The following WDR1 variants were observed in gnomAD, a reference collection of about 807,000 sequenced individuals.
The protein encoded by WDR1 is WD repeat domain 1.
Under a neutral mutation model 71.9 loss-of-function variants are expected in WDR1, and 21 were observed. That is an observed-to-expected ratio of 0.29 (90% CI 0.21 to 0.42). WDR1 has a LOEUF of 0.42. Ranked by LOEUF, WDR1 falls within the 10% of genes least tolerant of loss-of-function variation. The pLI, the probability that WDR1 is intolerant of heterozygous loss-of-function variation, is 1.00. For missense variants in WDR1, 696 were observed against 824.5 expected (o/e 0.84, Z 1.91); for synonymous variants, 424 against 347.4 (o/e 1.22, Z -2.45).
At chr4:10,109,325 C>A (rs943945760) in intron 2 of WDR1, among the ~76,000 whole-genome samples, 1 of 152,262 alleles carries the variant, frequency 6.6e-6, no homozygotes, top group Non-Finnish European at 1.5e-5. Flanking sequence ...AAATGCTCAA[C>A]ACCTTCACAC....
intron 3 of WDR1, among the ~76,000 whole-genome samples, chr4:10,101,950 T>C (rs1250143348): frequency 1.3e-5 from 2 of 152,206 alleles, no homozygotes; most frequent in African/African-American, 4.8e-5. Flanking sequence ...AAATAAATCA[T>C]GGGATGTAAA....
intron 3 of WDR1, among the ~76,000 whole-genome samples, chr4:10,102,666 A>G (rs1488583107): frequency 6.6e-6 from 1 of 152,238 alleles, no homozygotes; most frequent in East Asian, 1.9e-4. Context: ...AGAGTAAGAC[A>G]GAGCCGAACC....
intron 3 of WDR1, among the ~76,000 whole-genome samples, chr4:10,099,621 A>C (rs1712567106): frequency 6.6e-6 from 1 of 152,234 alleles, no homozygotes; most frequent in African/African-American, 2.4e-5. Context: ...TGACTTCTGG[A>C]AACGAGGTGC....
chr4:10,099,170 G>GGGT, intron 3 of WDR1, 31 bp from the exon 4 acceptor site: 12 of 801,982 alleles, frequency 1.5e-5, no homozygotes, highest in Non-Finnish European at 2.4e-5. Context: ...GGGAGGGGGG[G>GGGT]AGGCGGTGGT....
intron 8 of WDR1, among the ~76,000 whole-genome samples, chr4:10,087,238 GCCAAGGCCCAGGC>G (rs563665190): frequency 4.1e-4 from 63 of 152,292 alleles, no homozygotes; most frequent in African/African-American, 1.5e-3. Context: ...TCCAGGCAGC[GCCAAGGCCCAGGC>G]CCAAGGCCAC....
intron 8 of WDR1, among the ~76,000 whole-genome samples, chr4:10,085,851 G>A (rs1334880808): frequency 1.3e-5 from 2 of 152,336 alleles, no homozygotes; most frequent in Non-Finnish European, 2.9e-5. Flanking sequence ...CAGCATCTGC[G>A]TGACTCACAC....
At chr4:10,083,788 C>T (rs1457416430) in intron 9 of WDR1, among the ~76,000 whole-genome samples, 3 of 152,232 alleles carry the variant, frequency 2.0e-5, no homozygotes, top group Admixed American at 6.5e-5. Context: ...TCACCAGCCC[C>T]AGGCCATGCA....
intron 8 of WDR1, among the ~76,000 whole-genome samples, chr4:10,085,140 G>A (rs573241266): frequency 5.9e-5 from 9 of 152,226 alleles, no homozygotes; most frequent in East Asian, 1.9e-4. Context: ...TCCAGAGGGC[G>A]GCGTTTAGCC....
Position 10,083,024 on chromosome 4 carries a change from G to A in WDR1, c.1194C>T (p.Tyr398=). The A allele has an allele frequency of 6.2e-7, 1 of 1,611,524 alleles. No individual in the cohort carries two copies. The highest frequency in any genetic ancestry group is 8.5e-7 in the Non-Finnish European group (1 of 1,178,358). The part of the protein sequence containing the change: ...VRYTSLMLRD[Y]SGQGVVKLDV... ...CCCGCAGACCCGAGTGCTCTCACCT[G>A]TAGTCCCGCAGCATGAGGCTGGTGT... Residue 398 remains tyrosine, a splice_region_variant and synonymous_variant, in exon 10 of 15, where the codon TAC becomes TAT. Coordinates refer to ENST00000499869, the MANE Select transcript of WDR1 (RefSeq NM_017491.5).
intron 4 of WDR1, among the ~76,000 whole-genome samples, chr4:10,098,527 C>G (rs1362496568): frequency 6.6e-6 from 1 of 152,184 alleles, no homozygotes; most frequent in African/African-American, 2.4e-5. Context: ...CCCCTGAGGT[C>G]AGTAGCCACC....
chr4:10,088,891 C>G, intron 5 of WDR1, 150 bp from the exon 6 acceptor site: 5 of 681,078 alleles, frequency 7.3e-6, no homozygotes, highest in East Asian at 2.7e-5. Context: ...AAAAAAACAT[C>G]CTGGGCAGTC....
intron 3 of WDR1, 32 bp from the exon 4 acceptor site, chr4:10,099,171 A>AAGGGGGGGGG: frequency 9.1e-6 from 1 of 109,758 alleles, no homozygotes; most frequent in Non-Finnish European, 1.7e-5. Context: ...GGAGGGGGGG[A>AAGGGGGGGGG]GGCGGTGGTG....
chr4:10,115,204 C>T (rs1181379954), intron 2 of WDR1, among the ~76,000 whole-genome samples: 2 of 152,232 alleles, frequency 1.3e-5, no homozygotes, highest in Non-Finnish European at 2.9e-5. Context: ...CCAACTCCCA[C>T]CCCACCAATT....
rs1239946007 is a variant in WDR1 at position 10,103,910 on chromosome 4, T to C, written c.215A>G (p.Tyr72Cys). The stretch of plus-strand genomic sequence containing the variant: ...CCATACAGTACCTCCGGAGGCAATG[T>C]AGAATCCGCTGGGCGCATACTTGGC... The part of the protein sequence containing the change: ...VVAKYAPSGF[Y>C]IASGDVSGKL... Residue 72 changes from tyrosine (Y) to cysteine (C), a missense_variant, in exon 3 of 15, where the codon TAC becomes TGC. Physicochemically the swap from Tyr to Cys is radical, Grantham distance 194. Transcript: ENST00000499869. 1 of 1,591,948 alleles carries C rather than the reference T, an allele frequency of 6.3e-7. No individual in the cohort carries two copies. Among genetic ancestry groups the C allele is most frequent in the Admixed American group, 1.8e-5 (1 of 56,972 alleles).
intron 2 of WDR1, chr4:10,115,654 C>T (rs1464329304): frequency 1.3e-5 from 2 of 154,154 alleles, no homozygotes; most frequent in Non-Finnish European, 2.9e-5. Flanking sequence ...GTCATCATCT[C>T]ATCATCTGTT....
chr4:10,078,270 C>G (rs1764876853), intron 12 of WDR1, among the ~76,000 whole-genome samples: 1 of 152,232 alleles, frequency 6.6e-6, no homozygotes, highest in Non-Finnish European at 1.5e-5. Context: ...ACTGCCACGC[C>G]TGCTGCAGGA....
At chr4:10,110,977 G>A (rs887611230) in intron 2 of WDR1, among the ~76,000 whole-genome samples, 13 of 152,226 alleles carry the variant, frequency 8.5e-5, no homozygotes, top group Non-Finnish European at 1.8e-4. Flanking sequence ...CAAGACAGGG[G>A]CTTAGTGAAC....
At chr4:10,109,428 A>T (rs1436708150) in intron 2 of WDR1, among the ~76,000 whole-genome samples, 2 of 152,176 alleles carry the variant, frequency 1.3e-5, no homozygotes, top group Admixed American at 1.3e-4. Flanking sequence ...GTTGGTCTCA[A>T]TGTTAGTGTG....
Position 10,077,795 on chromosome 4 carries a change from G to T in WDR1, c.1527C>A (p.Ala509=). ...CGCTGAACACTGTGACCACCTTGCT[G>T]GCGTCGCACACCGCGAGGAAGGCGC... ...HDGAFLAVCD[A]SKVVTVFSVA... Residue 509 remains alanine, a synonymous_variant, in exon 13 of 15, where the codon GCC becomes GCA. Coordinates refer to ENST00000499869, the MANE Select transcript of WDR1 (RefSeq NM_017491.5). The T allele has an allele frequency of 6.2e-7, 1 of 1,603,508 alleles. No homozygotes were observed. The highest frequency in any genetic ancestry group is 8.5e-7 in the Non-Finnish European group (1 of 1,175,330).
Sources: gnomAD v4.1 joint callset for allele counts (sites outside exome capture counted in the v4.1 genomes callset) on GRCh38, gnomAD v4.1.1 for gene constraint, MANE v1.5 for transcripts, NCBI Gene and HGNC (gene_info 2026-07-23, HGNC 2026-07-21) for gene names.